Variants in SGSM1 observed in about 807,000 individuals in gnomAD.
SGSM1 encodes small G protein signaling modulator 1.
Under a neutral mutation model 133.8 loss-of-function variants are expected in SGSM1, and 73 were observed. The observed-to-expected ratio is 0.55, with a 90% confidence interval of 0.45 to 0.66. The LOEUF (loss-of-function observed/expected upper bound fraction) is 0.66, where lower values mean the gene tolerates loss of function less well. SGSM1 is among the 30% of genes least tolerant of loss of function. SGSM1 has a pLI of 0.00. For synonymous variants in SGSM1, 563 were observed against 573.0 expected, an observed-to-expected ratio of 0.98 and a Z score of 0.25; for missense variants, 1,213 against 1,448.1, an observed-to-expected ratio of 0.84 and a Z score of 2.64.
intron 9 of SGSM1, among the ~76,000 whole-genome samples, chr22:24,860,934 T>C (rs1272492779): frequency 1.5e-5 from 2 of 132,968 alleles, no homozygotes; most frequent in Admixed American, 1.5e-4. Context: ...TATATATATA[T>C]ATATATATAT....
At chr22:24,894,582 C>G (rs1019412507) in intron 17 of SGSM1, among the ~76,000 whole-genome samples, 2 of 152,180 alleles carry the variant, frequency 1.3e-5, no homozygotes, top group African/African-American at 4.8e-5. Flanking sequence ...CACCAGCTGT[C>G]CGTAACTGGT....
At chr22:24,876,549 C>T in intron 12 of SGSM1, 28 bp from the exon 13 acceptor site, 3 of 1,613,384 alleles carry the variant, frequency 1.9e-6, no homozygotes, top group African/African-American at 1.3e-5. Context: ...CAGGGTGATT[C>T]TTCTGCCCCT....
At chr22:24,844,361 A>G (rs1929969752) in intron 2 of SGSM1, 1 of 152,714 alleles carries the variant, frequency 6.5e-6, no homozygotes, top group Non-Finnish European at 1.5e-5. Flanking sequence ...CCCCGTCTGT[A>G]CTAAAAATAG....
In SGSM1 at chr22:24,912,668, G is replaced by A. The variant is rs372139445; in HGVS notation, c.2844G>A (p.Thr948=). 38 of 1,613,576 alleles carry A rather than the reference G, an allele frequency of 2.4e-5. No homozygotes were observed. In the African/African-American group the frequency reaches 2.4e-4, roughly 10 times the overall value. ...DDEALAFSCF[T]ELMKRMNQNF... is the part of the protein sequence containing the mutation. ...AGGCCCTTGCCTTCAGCTGCTTCAC[G>A]GAGCTCATGAAGAGGATGAACCAGA... Residue 948 remains threonine, a synonymous_variant, in exon 22 of 25, where the codon ACG becomes ACA. Coordinates refer to ENST00000400358, the MANE Select transcript of SGSM1 (RefSeq NM_001098497.3).
At chr22:24,862,889 C>G (rs1931234192) in intron 9 of SGSM1, among the ~76,000 whole-genome samples, 1 of 150,142 alleles carries the variant, frequency 6.7e-6, no homozygotes, top group African/African-American at 2.4e-5. Flanking sequence ...CTCCTTAGAA[C>G]TCAAGGCATT....
chr22:24,865,895 A>G (rs1169340726), intron 9 of SGSM1, among the ~76,000 whole-genome samples: 3 of 151,610 alleles, frequency 2.0e-5, no homozygotes, highest in African/African-American at 7.3e-5. Context: ...CTTGTCTTGC[A>G]GGAATGGGCG....
chr22:24,913,319 AAAAG>A (rs901349629), intron 22 of SGSM1, among the ~76,000 whole-genome samples: 1 of 147,928 alleles, frequency 6.8e-6, no homozygotes, highest in Non-Finnish European at 1.5e-5. Flanking sequence ...AAGAAAGAAA[AAAAG>A]AAGTGCAAAT....
At chr22:24,923,611 C>A (rs1934089317) in intron 24 of SGSM1, among the ~76,000 whole-genome samples, 1 of 151,618 alleles carries the variant, frequency 6.6e-6, no homozygotes, top group South Asian at 2.1e-4. Context: ...AAGGACTTCA[C>A]CTTTTCATTT....
At chr22:24,916,113 T>G (rs1933812838) in intron 22 of SGSM1, among the ~76,000 whole-genome samples, 2 of 152,170 alleles carry the variant, frequency 1.3e-5, no homozygotes, top group African/African-American at 4.8e-5. Context: ...AGTGTACGAT[T>G]CAGTGGCTTT....
intron 2 of SGSM1, among the ~76,000 whole-genome samples, chr22:24,832,029 C>T (rs139635): frequency 0.051 from 7,825 of 152,262 alleles, 284 homozygotes; most frequent in Middle Eastern, 0.082. Context: ...GGAGGCCCCC[C>T]GGAATCCTGG....
intron 2 of SGSM1, among the ~76,000 whole-genome samples, chr22:24,828,378 C>A (rs1190717758): frequency 6.6e-6 from 1 of 152,086 alleles, no homozygotes; most frequent in South Asian, 2.1e-4. Flanking sequence ...TATAAAAGCA[C>A]CTGGCACGTA....
rs574592050 is a variant in SGSM1, at chr22:24,814,359, T to C, written c.63+7875T>C. Among the ~76,000 whole-genome samples the C allele has an allele frequency of 3.4e-3, 519 of 152,164 alleles. 1 individual carries two copies. The highest frequency in any genetic ancestry group is 5.4e-3 in the Non-Finnish European group (370 of 67,986). ...ATTTAATTATTGATCCCCCATGAAG[T>C]AGATAAAATCCCCTCTTTTATGGAT... On this transcript the variant is annotated intron_variant, in intron 2 of 24. Coordinates refer to ENST00000400358, the MANE Select transcript of SGSM1 (RefSeq NM_001098497.3).
At chr22:24,878,402 A>G (rs57822764) in intron 13 of SGSM1, among the ~76,000 whole-genome samples, 2,453 of 152,212 alleles carry the variant, frequency 0.016, 63 homozygotes, top group African/African-American at 0.055. Context: ...TGTTGATGTG[A>G]TCCTATTCTG....
chr22:24,878,025 G>A (rs1391538444), intron 13 of SGSM1, among the ~76,000 whole-genome samples: 1 of 151,894 alleles, frequency 6.6e-6, no homozygotes, highest in Non-Finnish European at 1.5e-5. Flanking sequence ...TGGCCAGTCT[G>A]CTCTCGAACC....
intron 2 of SGSM1, among the ~76,000 whole-genome samples, chr22:24,813,523 A>T (rs530723599): frequency 6.6e-6 from 1 of 152,326 alleles, no homozygotes; most frequent in South Asian, 2.1e-4. Flanking sequence ...GAATGAATGC[A>T]GGAATGCCAG....
chr22:24,865,194 AT>A (rs1484042629), intron 9 of SGSM1, among the ~76,000 whole-genome samples: 1 of 152,212 alleles, frequency 6.6e-6, no homozygotes, highest in Non-Finnish European at 1.5e-5. Flanking sequence ...CACTGTGAAC[AT>A]TGTCTGAGCA....
rs78312889 is a variant in SGSM1 at position 24,881,715 on chromosome 22, C to A, written c.1495+2189C>A. 3.1e-3 allele frequency among the ~76,000 whole-genome samples: 469 copies of A among 152,328 alleles called. 4 individuals carry two copies. Among genetic ancestry groups the A allele is most frequent in the African/African-American group, 0.011 (456 of 41,558 alleles). On this transcript the variant is annotated intron_variant, in intron 14 of 24. Transcript: ENST00000400358. ...CGTCATCATCATCATCCTCCTCCTCCTCATCATCATCACTATGACTGTCTC... is the reference window on the plus strand; with the variant it reads ...CGTCATCATCATCATCCTCCTCCTCATCATCATCATCACTATGACTGTCTC...
chr22:24,859,777 C>G lies in SGSM1; in HGVS notation c.863C>G (p.Thr288Ser), dbSNP rs774828550. 3 of 1,613,974 alleles carry G rather than the reference C, an allele frequency of 1.9e-6. No homozygotes were observed. The highest frequency in any genetic ancestry group is 1.1e-5 in the South Asian group (1 of 91,080). ...CTGCACCAGACGGCTGACGTCATGA[C>G]CTTGAAGTGGACACCCAACCAGCTG... ...LSLHQTADVMTLKWTPNQLMN... is the reference protein window; with the variant it reads ...LSLHQTADVMSLKWTPNQLMN... Residue 288 changes from threonine (T) to serine (S), a missense_variant, in exon 9 of 25, where the codon ACC (threonine) becomes AGC (serine). Physicochemically the swap from Thr to Ser is moderately conservative, Grantham distance 58. Transcript: ENST00000400358.
intron 20 of SGSM1, 123 bp from the exon 21 acceptor site, chr22:24,904,982 G>T: frequency 1.3e-6 from 1 of 787,028 alleles, no homozygotes; most frequent in Non-Finnish European, 2.3e-6. Context: ...TGGAGATGCA[G>T]GCAGGAGGCT....
Sources: allele counts gnomAD v4.1 joint callset (sites outside exome capture counted in the v4.1 genomes callset), GRCh38; gene constraint gnomAD v4.1.1; transcripts MANE v1.5; gene names NCBI Gene and HGNC (gene_info 2026-07-23, HGNC 2026-07-21).